KCTD8: variants seen among roughly 807,000 people sequenced by gnomAD.
The protein encoded by KCTD8 is potassium channel tetramerization domain containing 8.
KCTD8 carries 27 observed loss-of-function variants against 31.5 expected under a neutral mutation model. The ratio of observed to expected loss-of-function variants is 0.86; its 90% CI spans 0.63 to 1.18. KCTD8 has a LOEUF of 1.18. Among genes scored for constraint, KCTD8 ranks in the 50% most tolerant of loss-of-function variants. The pLI is 0.00. For synonymous variants in KCTD8, 290 were observed against 280.0 expected, an observed-to-expected ratio of 1.04 and a Z score of -0.36; for missense variants, 658 against 647.7, an observed-to-expected ratio of 1.02 and a Z score of -0.17.
chr4:44,293,735 GA>G, intron 1 of KCTD8: 1 of 434,626 alleles, frequency 2.3e-6, no homozygotes, highest in African/African-American at 2.0e-5. Flanking sequence ...CCAAAAAATG[GA>G]AAAAGTTGTT....
At chr4:44,344,629 T>C (rs1718993069) in intron 1 of KCTD8, among the ~76,000 whole-genome samples, 1 of 152,178 alleles carries the variant, frequency 6.6e-6, no homozygotes, top group African/African-American at 2.4e-5. Flanking sequence ...CTTTGTTATT[T>C]GCTACAAAGT....
At chr4:44,299,360 A>T (rs1465595004) in intron 1 of KCTD8, among the ~76,000 whole-genome samples, 1 of 152,196 alleles carries the variant, frequency 6.6e-6, no homozygotes, top group Non-Finnish European at 1.5e-5. Flanking sequence ...TTCTAACATA[A>T]TGAAAATCCA....
At chr4:44,334,410 C>T (rs1333247823) in intron 1 of KCTD8, among the ~76,000 whole-genome samples, 2 of 120,672 alleles carry the variant, frequency 1.7e-5, no homozygotes, top group African/African-American at 2.9e-5. Flanking sequence ...ACAAAATCCT[C>T]GCTAGTTTTT....
intron 1 of KCTD8, among the ~76,000 whole-genome samples, chr4:44,252,597 G>A (rs1281937280): frequency 3.3e-5 from 5 of 151,610 alleles, no homozygotes; most frequent in Non-Finnish European, 1.5e-5. Flanking sequence ...TTTTTTGTAT[G>A]TGTTGAGAGG....
intron 1 of KCTD8, among the ~76,000 whole-genome samples, chr4:44,329,622 C>G (rs1718541285): frequency 6.6e-6 from 1 of 151,826 alleles, no homozygotes; most frequent in Non-Finnish European, 1.5e-5. Context: ...ATACAATTAG[C>G]CCTTATCTTG....
At chr4:44,371,324 T>C (rs906316375) in intron 1 of KCTD8, among the ~76,000 whole-genome samples, 1 of 152,158 alleles carries the variant, frequency 6.6e-6, no homozygotes, top group Non-Finnish European at 1.5e-5. Flanking sequence ...TTATCAACTA[T>C]CAGGGTATCA....
intron 1 of KCTD8, among the ~76,000 whole-genome samples, chr4:44,209,663 C>T (rs1029995990): frequency 6.6e-6 from 1 of 152,068 alleles, no homozygotes; most frequent in South Asian, 2.1e-4. Context: ...TTGCTAGATG[C>T]TATTCTGGAT....
At chr4:44,348,480 A>G (rs1377224516) in intron 1 of KCTD8, among the ~76,000 whole-genome samples, 1 of 152,218 alleles carries the variant, frequency 6.6e-6, no homozygotes, top group African/African-American at 2.4e-5. Context: ...AGAAAGATGC[A>G]AGTTAAGTGT....
chr4:44,258,354 T>C (rs1716057351), intron 1 of KCTD8, among the ~76,000 whole-genome samples: 1 of 151,954 alleles, frequency 6.6e-6, no homozygotes, highest in Admixed American at 6.6e-5. Context: ...AATTATATTA[T>C]TTAAATGGGT....
intron 1 of KCTD8, among the ~76,000 whole-genome samples, chr4:44,406,770 C>A (rs1720805829): frequency 6.6e-6 from 1 of 152,044 alleles, no homozygotes; most frequent in South Asian, 2.1e-4. Flanking sequence ...GGGAAAAAAA[C>A]AAACTTATAA....
At chr4:44,420,156 C>A (rs1169089252) in intron 1 of KCTD8, among the ~76,000 whole-genome samples, 2 of 150,600 alleles carry the variant, frequency 1.3e-5, no homozygotes, top group South Asian at 2.1e-4. Context: ...AAAAAAAAAA[C>A]AACTCATGGG....
intron 1 of KCTD8, among the ~76,000 whole-genome samples, chr4:44,229,958 CTA>C (rs1715074947): frequency 6.6e-6 from 1 of 151,798 alleles, no homozygotes; most frequent in Non-Finnish European, 1.5e-5. Flanking sequence ...GGTATTTCTC[CTA>C]ATGCTCTCCC....
At chr4:44,437,174 A>C (rs1721674849) in intron 1 of KCTD8, among the ~76,000 whole-genome samples, 1 of 151,938 alleles carries the variant, frequency 6.6e-6, no homozygotes, top group Non-Finnish European at 1.5e-5. Flanking sequence ...TGAGCTGTGT[A>C]TGTCTGCAGA....
intron 1 of KCTD8, among the ~76,000 whole-genome samples, chr4:44,265,797 T>C (rs894355084): frequency 2.0e-5 from 3 of 151,952 alleles, no homozygotes; most frequent in East Asian, 1.9e-4. Context: ...GTATCAGCCA[T>C]GGAAGATGAA....
At position 44,446,077 on chromosome 4, in the gene KCTD8, C is replaced by T. The variant is rs183264202; in HGVS notation, c.961+1486G>A. Among the ~76,000 whole-genome samples, 604 of 152,224 alleles carry T rather than the reference C, an allele frequency of 4.0e-3. 6 individuals are homozygous for T. The highest frequency in any genetic ancestry group is 0.013 in the African/African-American group (538 of 41,540). ...ACTTCATTTGCTTCTCTGTTGAAAC[C>T]GTTGTCTCAAGAAATCCAGCATTAC... On this transcript the variant is annotated intron_variant, in intron 1 of 1. Coordinates refer to ENST00000360029, the MANE Select transcript of KCTD8 (RefSeq NM_198353.3).
intron 1 of KCTD8, among the ~76,000 whole-genome samples, chr4:44,339,080 CA>C (rs1718828648): frequency 6.6e-6 from 1 of 152,202 alleles, no homozygotes; most frequent in East Asian, 1.9e-4. Context: ...AAGTGATTAC[CA>C]ATTGTAATAT....
At chr4:44,322,281 T>C (rs1464400152) in intron 1 of KCTD8, among the ~76,000 whole-genome samples, 2 of 152,078 alleles carry the variant, frequency 1.3e-5, no homozygotes, top group African/African-American at 2.4e-5. Context: ...TTTTTTATAA[T>C]AGCCATTTTA....
intron 1 of KCTD8, among the ~76,000 whole-genome samples, chr4:44,347,165 T>C (rs909467887): frequency 6.6e-6 from 1 of 152,232 alleles, no homozygotes; most frequent in African/African-American, 2.4e-5. Context: ...CTTGTAGAAA[T>C]GAGCAATTGC....
intron 1 of KCTD8, among the ~76,000 whole-genome samples, chr4:44,216,907 A>G (rs973594052): frequency 1.3e-5 from 2 of 152,044 alleles, no homozygotes; most frequent in Non-Finnish European, 2.9e-5. Flanking sequence ...TTTTTTTGTC[A>G]AAGGAGATGC....
Sources: allele counts gnomAD v4.1 joint callset (sites outside exome capture counted in the v4.1 genomes callset), GRCh38; gene constraint gnomAD v4.1.1; transcripts MANE v1.5; gene names NCBI Gene and HGNC (gene_info 2026-07-23, HGNC 2026-07-21).